PDCD6: variants seen among roughly 807,000 people sequenced by gnomAD.
The protein encoded by PDCD6 is programmed cell death protein 6.
In PDCD6, 12 loss-of-function variants were observed where a neutral mutation model predicts 28.3. The observed-to-expected ratio is 0.42, with a 90% CI of 0.27 to 0.69. The LOEUF is 0.69. Among genes scored for constraint, PDCD6 ranks in the 30% least tolerant of loss-of-function variants. The probability of loss-of-function intolerance (pLI) is 0.22; values close to 1 mark genes in which losing one functional copy is unlikely to be tolerated. For missense variants in PDCD6, 226 were observed against 269.9 expected (o/e 0.84, Z 1.14); for synonymous variants, 92 against 108.0 (o/e 0.85, Z 0.92).
chr5:289,907 C>G (rs1739214689), intron 2 of PDCD6: 2 of 1,504,812 alleles, frequency 1.3e-6, no homozygotes, highest in Non-Finnish European at 1.8e-6. Flanking sequence ...TTGTTTTTCT[C>G]TGAAGAAGGA....
chr5:286,685 G>C (rs112867540), intron 2 of PDCD6, among the ~76,000 whole-genome samples: 2 of 150,498 alleles, frequency 1.3e-5, no homozygotes, highest in African/African-American at 2.5e-5. Flanking sequence ...TTGGAGAGCC[G>C]TGCAGCTGGA....
intron 2 of PDCD6, chr5:290,034 G>A: frequency 6.3e-7 from 1 of 1,594,224 alleles, no homozygotes; most frequent in Non-Finnish European, 8.6e-7. Flanking sequence ...TAGTAAAAGG[G>A]ATACTGTTAA....
At chr5:296,712 C>T in intron 2 of PDCD6, among the ~76,000 whole-genome samples, 1 of 152,092 alleles carries the variant, frequency 6.6e-6, no homozygotes, top group Non-Finnish European at 1.5e-5. Context: ...GAAGGTGGAC[C>T]AGAAAGGTGA....
At chr5:303,100 TAGG>T (rs1000610026) in intron 2 of PDCD6, among the ~76,000 whole-genome samples, 8 of 151,892 alleles carry the variant, frequency 5.3e-5, no homozygotes, top group Non-Finnish European at 1.0e-4. Context: ...GTGTGTGTCT[TAGG>T]AGGGGACGCA....
chr5:310,124 G>T, intron 4 of PDCD6: 1 of 190,126 alleles, frequency 5.3e-6, no homozygotes, highest in Non-Finnish European at 1.1e-5. Flanking sequence ...CTCAGCCCTG[G>T]TGCAGGGAGT....
At chr5:285,946 C>T (rs1413476966) in intron 2 of PDCD6, among the ~76,000 whole-genome samples, 17 of 149,904 alleles carry the variant, frequency 1.1e-4, no homozygotes, top group African/African-American at 4.2e-4. Flanking sequence ...GCTTGAGACC[C>T]GGCGGGTAGC....
At position 271,695 on chromosome 5, in the gene PDCD6, C is replaced by T. The variant is rs749798505; in HGVS notation, c.-26C>T. 21 of 1,427,116 alleles carry T rather than the reference C, an allele frequency of 1.5e-5. No homozygotes were observed. Among genetic ancestry groups the T allele is most frequent in the South Asian group, 1.1e-4 (9 of 82,770 alleles). 88.4% of individuals were successfully genotyped at this position (1,427,116 alleles called of 1,614,324 possible). The stretch of plus-strand genomic sequence containing the variant: ...AGAGGTCTCTCGTCGCTGCAGGCGC[C>T]TCAGCCCAGCCGCGTGCCTTGGCCC... On this transcript the variant is annotated 5_prime_UTR_variant, in exon 1 of 6. Coordinates refer to ENST00000264933, the MANE Select transcript of PDCD6 (RefSeq NM_013232.4).
chr5:311,640 C>T (rs1376429922), intron 5 of PDCD6: 2 of 503,288 alleles, frequency 4.0e-6, no homozygotes, highest in African/African-American at 2.0e-5. Flanking sequence ...TTTTCAGTAT[C>T]CGGTGGGTTA....
At chr5:302,231 C>T (rs1211974436) in intron 2 of PDCD6, among the ~76,000 whole-genome samples, 2 of 126,504 alleles carry the variant, frequency 1.6e-5, no homozygotes, top group Non-Finnish European at 3.2e-5. Context: ...GGTTCAGGTG[C>T]ACCTGCCTTT....
At chr5:278,518 TG>T (rs1470243513) in intron 2 of PDCD6, among the ~76,000 whole-genome samples, 12 of 147,636 alleles carry the variant, frequency 8.1e-5, no homozygotes, top group African/African-American at 2.5e-4. Context: ...GAGACCAGCC[TG>T]GGCAACATGG....
chr5:302,070 CTGTGTGTGTGTGTGTGTGTGTG>C (rs369323059), intron 2 of PDCD6, among the ~76,000 whole-genome samples: 8 of 57,756 alleles, frequency 1.4e-4, no homozygotes, highest in African/African-American at 5.1e-4. Flanking sequence ...GAGTGCTGCT[CTGTGTGTGTGTGTGTGTGTGTG>C]TGTGTGTGTG....
chr5:281,377 GC>G (rs1738551631), intron 2 of PDCD6, among the ~76,000 whole-genome samples: 2 of 152,018 alleles, frequency 1.3e-5, no homozygotes, highest in African/African-American at 4.8e-5. Context: ...AGCCGGTGCT[GC>G]CTTTTAAGTC....
chr5:284,070 A>G (rs899118656), intron 2 of PDCD6, among the ~76,000 whole-genome samples: 2 of 151,572 alleles, frequency 1.3e-5, no homozygotes, highest in African/African-American at 2.4e-5. Flanking sequence ...CTGGATGTTC[A>G]GGGAGGAGCT....
chr5:275,102 T>C (rs529048613), intron 2 of PDCD6, among the ~76,000 whole-genome samples: 1 of 152,226 alleles, frequency 6.6e-6, no homozygotes, highest in African/African-American at 2.4e-5. Context: ...CCACCGCCCT[T>C]CAGGATGCAA....
chr5:284,909 C>T (rs1738846520), intron 2 of PDCD6, among the ~76,000 whole-genome samples: 1 of 142,846 alleles, frequency 7.0e-6, no homozygotes. Context: ...GGTCTTGCAG[C>T]TGGAGACCCG....
intron 2 of PDCD6, among the ~76,000 whole-genome samples, chr5:284,419 G>A (rs1738793081): frequency 6.6e-6 from 1 of 152,230 alleles, no homozygotes; most frequent in Non-Finnish European, 1.5e-5. Flanking sequence ...TCCAATTTGA[G>A]GGTCATGCAG....
At chr5:297,304 C>T (rs528965129) in intron 2 of PDCD6, among the ~76,000 whole-genome samples, 4 of 152,338 alleles carry the variant, frequency 2.6e-5, no homozygotes, top group East Asian at 1.9e-4. Context: ...AGAGCGTAAG[C>T]GCTGTCCTAG....
At chr5:306,245 C>A (rs1325711363) in intron 3 of PDCD6, 2 of 240,504 alleles carry the variant, frequency 8.3e-6, no homozygotes, top group South Asian at 6.0e-5. Context: ...GGGCCACTTA[C>A]CTTCCCCGTG....
intron 2 of PDCD6, among the ~76,000 whole-genome samples, chr5:284,873 G>GT (rs1363430848): frequency 7.1e-6 from 1 of 141,808 alleles, no homozygotes; most frequent in Non-Finnish European, 1.6e-5. Context: ...TGGAGACCCC[G>GT]CGGGAAGCTG....
Sources: gnomAD v4.1 joint callset for allele counts (sites outside exome capture counted in the v4.1 genomes callset) on GRCh38, gnomAD v4.1.1 for gene constraint, MANE v1.5 for transcripts, NCBI Gene and HGNC (gene_info 2026-07-23, HGNC 2026-07-21) for gene names.